VPS13C: variants seen among roughly 807,000 people sequenced by gnomAD.
The protein encoded by VPS13C is intermembrane lipid transfer protein VPS13C.
In VPS13C, 358 loss-of-function variants were observed where a neutral mutation model predicts 456.8. That is an observed-to-expected ratio of 0.78 (90% confidence interval 0.72 to 0.86). The LOEUF (loss-of-function observed/expected upper bound fraction) is 0.86. VPS13C is among the 40% of genes least tolerant of loss of function. The pLI is 0.00. For missense variants in VPS13C, 4,818 were observed against 4,385.4 expected, an observed-to-expected ratio of 1.10 and a Z score of -2.79; for synonymous variants, 1,578 against 1,486.7, an observed-to-expected ratio of 1.06 and a Z score of -1.41.
chr15:61,892,243 C>T (rs185710689), intron 66 of VPS13C, among the ~76,000 whole-genome samples: 4 of 152,272 alleles, frequency 2.6e-5, no homozygotes, highest in Admixed American at 6.5e-5. Context: ...CCAAAGGAAA[C>T]GCCTATTCAG....
At position 61,868,830 on chromosome 15, in the gene VPS13C, G is replaced by A. The variant is rs1432558551; in HGVS notation, c.10749-57C>T. On this transcript the variant is annotated intron_variant, in intron 80 of 84. Coordinates refer to ENST00000644861, the MANE Select transcript of VPS13C (RefSeq NM_020821.3). Reference sequence around the variant, plus strand: ...ATACGTGAGAGTCTTTCAAAATAATGTGTGTGTTGATTAAATACATAAATA... The same window carrying A: ...ATACGTGAGAGTCTTTCAAAATAATATGTGTGTTGATTAAATACATAAATA... The A allele has an allele frequency of 2.2e-6, 3 of 1,338,518 alleles. No homozygotes were observed. In the South Asian group the frequency reaches 3.9e-5, roughly 17 times the overall value. 82.9% of individuals were successfully genotyped at this position (1,338,518 alleles called of 1,614,324 possible). A position where few individuals can be genotyped will look rare whatever the true frequency, so the allele number is the denominator to read the frequency against.
chr15:61,900,532 C>T (rs2042965330), intron 66 of VPS13C, among the ~76,000 whole-genome samples: 1 of 152,014 alleles, frequency 6.6e-6, no homozygotes, highest in Non-Finnish European at 1.5e-5. Context: ...GAATAAAATA[C>T]CTAGGAATCC....
At chr15:61,928,921 G>A (rs2043960395) in intron 51 of VPS13C, among the ~76,000 whole-genome samples, 1 of 151,466 alleles carries the variant, frequency 6.6e-6, no homozygotes, top group Non-Finnish European at 1.5e-5. Context: ...AAGAGGAGAG[G>A]AGAGAACAGG....
rs1216767624 is a variant in VPS13C at position 61,917,566 on chromosome 15, G to C, written c.7830C>G (p.Ser2610=). The C allele has an allele frequency of 6.2e-7, 1 of 1,613,818 alleles. No homozygotes were observed. Among genetic ancestry groups the C allele is most frequent in the African/African-American group, 1.3e-5 (1 of 74,906 alleles). Residue 2610 remains serine, a synonymous_variant, in exon 60 of 85, where the codon TCC becomes TCG. Coordinates refer to ENST00000644861, the MANE Select transcript of VPS13C (RefSeq NM_020821.3). Reference sequence around the variant, plus strand: ...TGCTCCTATGAAGTTCTTCCTTCCAGGAAATATAAGTGGTAGATTCTTTGT... The same window carrying C: ...TGCTCCTATGAAGTTCTTCCTTCCACGAAATATAAGTGGTAGATTCTTTGT... ...HQYKESTTYI[S]WKEELHRSRE...
chr15:61,985,954 C>G (rs2046038337), intron 18 of VPS13C, among the ~76,000 whole-genome samples: 1 of 151,960 alleles, frequency 6.6e-6, no homozygotes, highest in South Asian at 2.1e-4. Context: ...ATTCTTTTGC[C>G]TGGGACCCTA....
intron 1 of VPS13C, among the ~76,000 whole-genome samples, 155 bp from the exon 2 acceptor site, chr15:62,044,410 G>C (rs2048340898): frequency 6.6e-6 from 1 of 152,104 alleles, no homozygotes; most frequent in African/African-American, 2.4e-5. Flanking sequence ...CAAAATAGTT[G>C]CTACATATGC....
chr15:61,895,805 G>A (rs2042790958), intron 66 of VPS13C, among the ~76,000 whole-genome samples: 1 of 152,098 alleles, frequency 6.6e-6, no homozygotes, highest in Non-Finnish European at 1.5e-5. Context: ...AGGCTGGGAA[G>A]GATAGGAAGA....
At chr15:62,053,207 C>T (rs2048682587) in intron 1 of VPS13C, among the ~76,000 whole-genome samples, 1 of 152,162 alleles carries the variant, frequency 6.6e-6, no homozygotes, top group South Asian at 2.1e-4. Context: ...GCCTCCACTA[C>T]ACCAAGTGCT....
intron 3 of VPS13C, 50 bp from the exon 4 acceptor site, chr15:62,035,102 C>G: frequency 7.3e-7 from 1 of 1,376,954 alleles, no homozygotes. Context: ...TGCTCAAGAA[C>G]ACAAAAATTT....
rs574764374 is a variant in VPS13C, at chr15:61,882,558, A to C, written c.9624+38T>G. ...GAAATTTCATTCCCAAGATTCCCAA[A>C]GTGATGATAAATACTTATTTGAGAA... On this transcript the variant is annotated intron_variant, in intron 69 of 84. Transcript: ENST00000644861. 8 of 1,452,140 alleles carry C rather than the reference A, an allele frequency of 5.5e-6. No homozygotes were observed. The East Asian group carries it at 2.0e-4, about 36-fold the overall frequency. The allele number at this position is 1,452,140 out of a possible 1,614,324, so 90.0% of individuals were successfully genotyped here. A position where few individuals can be genotyped will look rare whatever the true frequency, so the allele number is the denominator to read the frequency against.
intron 4 of VPS13C, among the ~76,000 whole-genome samples, chr15:62,034,108 T>C (rs936335924): frequency 8.6e-5 from 13 of 151,810 alleles, no homozygotes; most frequent in African/African-American, 2.9e-4. Flanking sequence ...GTACTGACTA[T>C]AGTATTGACT....
At chr15:61,996,492 A>G (rs1209812667) in intron 16 of VPS13C, among the ~76,000 whole-genome samples, 1 of 152,186 alleles carries the variant, frequency 6.6e-6, no homozygotes, top group Admixed American at 6.5e-5. Context: ...AAAACTGAAA[A>G]TGTAAACAAT....
chr15:61,957,815 G>C (rs2045058297), intron 37 of VPS13C, among the ~76,000 whole-genome samples: 1 of 151,916 alleles, frequency 6.6e-6, no homozygotes, highest in Non-Finnish European at 1.5e-5. Context: ...CTAGTGCTAG[G>C]AACTTGCTAA....
At chr15:61,993,352 T>C (rs1034744105) in intron 16 of VPS13C, among the ~76,000 whole-genome samples, 1 of 151,990 alleles carries the variant, frequency 6.6e-6, no homozygotes, top group African/African-American at 2.4e-5. Flanking sequence ...AAATAGATAA[T>C]ATATTTTTTT....
chr15:61,909,453 C>T (rs758348828), intron 64 of VPS13C, among the ~76,000 whole-genome samples: 13 of 152,152 alleles, frequency 8.5e-5, no homozygotes, highest in Non-Finnish European at 1.3e-4. Context: ...GTGATCAGCC[C>T]GCCTCGGCCT....
intron 4 of VPS13C, among the ~76,000 whole-genome samples, chr15:62,033,849 C>G (rs541651420): frequency 3.3e-5 from 5 of 151,438 alleles, no homozygotes; most frequent in African/African-American, 1.2e-4. Context: ...AGCAAGTACA[C>G]CAGAATACTG....
Position 61,967,573 on chromosome 15 carries a change from C to T in VPS13C, c.2912-126G>A, listed in dbSNP as rs3784633. On this transcript the variant is annotated intron_variant, in intron 28 of 84. Transcript: ENST00000644861. ...AGAAAATCTTTGCATATTGTCATAG[C>T]TATTAAATACAAAGGCCATCACTGT... The T allele has an allele frequency of 0.55, 386,190 of 700,054 alleles. 109,593 individuals carry two copies. The highest frequency in any genetic ancestry group is 0.72 in the African/African-American group (38,442 of 53,254). 43.4% of individuals were successfully genotyped at this position (700,054 alleles called of 1,614,324 possible).
At chr15:62,025,657 C>T (rs1393055225) in intron 6 of VPS13C, among the ~76,000 whole-genome samples, 1 of 152,056 alleles carries the variant, frequency 6.6e-6, no homozygotes, top group Non-Finnish European at 1.5e-5. Flanking sequence ...GTTTAAACCT[C>T]TCTAAACAGT....
chr15:62,006,112 T>A (rs1186538300), intron 15 of VPS13C, among the ~76,000 whole-genome samples: 1 of 151,108 alleles, frequency 6.6e-6, no homozygotes, highest in East Asian at 1.9e-4. Flanking sequence ...TTTTTTTTTA[T>A]TATTATTATA....
Sources: gnomAD v4.1 joint callset for allele counts (sites outside exome capture counted in the v4.1 genomes callset) on GRCh38, gnomAD v4.1.1 for gene constraint, MANE v1.5 for transcripts, NCBI Gene and HGNC (gene_info 2026-07-23, HGNC 2026-07-21) for gene names.